Variants in CCR6 observed in about 807,000 individuals in gnomAD.
CCR6 encodes the protein C-C motif chemokine receptor 6, also known as C-C chemokine receptor type 6.
A neutral mutation model predicts 3.0 loss-of-function variants in CCR6; 2 were observed. The observed-to-expected ratio is 0.66, with a 90% confidence interval of 0.27 to 2.07. The LOEUF (loss-of-function observed/expected upper bound fraction) is 2.07. Among genes scored for constraint, CCR6 ranks in the 30% most tolerant of loss-of-function variants. CCR6 has a pLI of 0.14. For missense variants in CCR6, 322 were observed against 462.8 expected (o/e 0.70, Z 2.79); for synonymous variants, 193 against 184.3 (o/e 1.05, Z -0.38).
intron 1 of CCR6, among the ~76,000 whole-genome samples, chr6:167,113,746 G>A (rs1292084504): frequency 6.6e-6 from 1 of 152,260 alleles, no homozygotes; most frequent in African/African-American, 2.4e-5. Context: ...AGACCAAAAT[G>A]TTGGTTGGAC....
intron 1 of CCR6, chr6:167,116,049 G>C (rs1174070006): frequency 2.0e-5 from 3 of 152,270 alleles, no homozygotes; most frequent in African/African-American, 7.2e-5. Context: ...AATGACTACT[G>C]GTTAGGTGGA....
intron 1 of CCR6, chr6:167,115,187 T>C (rs960333308): frequency 6.6e-6 from 1 of 151,964 alleles, no homozygotes; most frequent in African/African-American, 2.4e-5. Flanking sequence ...TGGATGGGGG[T>C]CTCACTGGTC....
chr6:167,117,953 T>G (rs1048316113), upstream of CCR6, among the ~76,000 whole-genome samples: 8 of 151,746 alleles, frequency 5.3e-5, no homozygotes, highest in African/African-American at 1.9e-4. Context: ...TGTTTTTTTT[T>G]TTTTTTTTTC....
chr6:167,119,751 G>A (rs1470114994), upstream of CCR6, among the ~76,000 whole-genome samples: 1 of 152,216 alleles, frequency 6.6e-6, no homozygotes, highest in African/African-American at 2.4e-5. Context: ...AATTTGTTAA[G>A]TAGCCTTTTT....
Position 167,113,907 on chromosome 6 carries a change from A to C in CCR6, c.-98+1893A>C, listed in dbSNP as rs542563432. Among the ~76,000 whole-genome samples, 4 of 152,186 alleles carry C rather than the reference A, an allele frequency of 2.6e-5. No individual in the cohort carries two copies. In the South Asian group the frequency reaches 6.2e-4, roughly 24 times the overall value. ...CTATTTTGGGGGGTAGAATGAGAAG[A>C]TGGATAGATGAAGAAAGGGAAAATG... On this transcript the variant is annotated intron_variant, in intron 1 of 2. Transcript: ENST00000400926.
At chr6:167,124,032 A>G (rs192823844) in intron 1 of CCR6, among the ~76,000 whole-genome samples, 2 of 152,288 alleles carry the variant, frequency 1.3e-5, no homozygotes, top group Admixed American at 6.5e-5. Flanking sequence ...GAATCACTGG[A>G]ACTTGGGAGG....
intron 1 of CCR6, among the ~76,000 whole-genome samples, chr6:167,112,609 G>T (rs117912866): frequency 5.5e-4 from 84 of 152,270 alleles, no homozygotes; most frequent in Middle Eastern, 3.4e-3. Context: ...GCTGCAGAAT[G>T]GGGGGTGCTG....
At chr6:167,118,546 C>G (rs3093028), upstream of CCR6, among the ~76,000 whole-genome samples, 5,391 of 152,248 alleles carry the variant, frequency 0.035, 120 homozygotes, top group Middle Eastern at 0.095. Context: ...AGTTTGATTT[C>G]CCTATTTCTG....
At chr6:167,133,932 G>GTGTGTGTATGTATATA (rs1183741225) in intron 1 of CCR6, among the ~76,000 whole-genome samples, 2 of 110,340 alleles carry the variant, frequency 1.8e-5, no homozygotes, top group South Asian at 2.9e-4. Context: ...ATATATGTGT[G>GTGTGTGTATGTATATA]TATATATATA....
rs1781867052 is a variant in CCR6 at position 167,137,420 on chromosome 6, C to T, written c.*65C>T. ...TCATAGATGTTATGCAAAAAAAAGT[C>T]TATGGCCAGGTATGCATGGAAAATG... On this transcript the variant is annotated 3_prime_UTR_variant, in exon 3 of 3. Coordinates refer to ENST00000341935, the MANE Select transcript of CCR6 (RefSeq NM_031409.4). This position sits in a 1 kb window ranked among gnomAD's most constrained non-coding sequence, Gnocchi z 4.6. The T allele has an allele frequency of 6.8e-7, 1 of 1,480,256 alleles. No homozygotes were observed. Among genetic ancestry groups the T allele is most frequent in the Non-Finnish European group, 9.1e-7 (1 of 1,100,892 alleles). The allele number at this position is 1,480,256 out of a possible 1,614,324, so 91.7% of individuals were successfully genotyped here. A position where few individuals can be genotyped will look rare whatever the true frequency, so the allele number is the denominator to read the frequency against.
At position 167,136,050 on chromosome 6, in the gene CCR6, T is replaced by C. The variant is rs1781844755; in HGVS notation, c.-85T>C. The stretch of plus-strand genomic sequence containing the variant: ...CTTTCCTTCTTAGAGTCACCTCTAC[T>C]TTCCTGCTACCGCTGCCTGTGAGCT... On this transcript the variant is annotated 5_prime_UTR_variant, in exon 2 of 3. Coordinates refer to ENST00000341935, the MANE Select transcript of CCR6 (RefSeq NM_031409.4). The surrounding 1 kb of genome is among the most constrained non-coding windows in gnomAD (Gnocchi z 4.6). 4 of 1,501,506 alleles carry C rather than the reference T, an allele frequency of 2.7e-6. No individual in the cohort carries two copies. Among genetic ancestry groups the C allele is most frequent in the South Asian group, 2.5e-5 (2 of 81,028 alleles). 93.0% of individuals were successfully genotyped at this position (1,501,506 alleles called of 1,614,324 possible). A position where few individuals can be genotyped will look rare whatever the true frequency, so the allele number is the denominator to read the frequency against.
In CCR6 at chr6:167,136,143, G is replaced by A; in HGVS notation, c.9G>A (p.Gly3=). 3 of 1,613,904 alleles carry A rather than the reference G, an allele frequency of 1.9e-6. No individual in the cohort carries two copies. The highest frequency in any genetic ancestry group is 1.3e-5 in the African/African-American group (1 of 75,036). Residue 3 remains glycine (G), a splice_region_variant and synonymous_variant, in exon 2 of 3, where the codon GGG becomes GGA. Transcript: ENST00000341935. The surrounding 1 kb of genome is among the most constrained non-coding windows in gnomAD (Gnocchi z 4.6). ...CATTTTTTCTGCCCACAATGAGCGGGGTAAGATTTTTATTTTTGGCAAGGG... is the reference window on the plus strand; with the variant it reads ...CATTTTTTCTGCCCACAATGAGCGGAGTAAGATTTTTATTTTTGGCAAGGG... The part of the protein sequence containing the change: MS[G]ESMNFSDVFD...
intron 1 of CCR6, among the ~76,000 whole-genome samples, chr6:167,133,066 A>G (rs184010182): frequency 9.1e-4 from 139 of 152,308 alleles, no homozygotes; most frequent in Middle Eastern, 3.4e-3. Context: ...TCTATTCAAT[A>G]TATATATGTT....
chr6:167,115,785 T>A (rs982077970), intron 1 of CCR6: 2 of 152,246 alleles, frequency 1.3e-5, no homozygotes, highest in African/African-American at 4.8e-5. Flanking sequence ...CAAAGAGAAT[T>A]TTTTAATAAT....
intron 1 of CCR6, among the ~76,000 whole-genome samples, chr6:167,125,016 A>G (rs1238928551): frequency 6.6e-6 from 1 of 152,140 alleles, no homozygotes; most frequent in African/African-American, 2.4e-5. Flanking sequence ...ATACACATGC[A>G]TATACACATA....
upstream of CCR6, among the ~76,000 whole-genome samples, chr6:167,119,853 G>A (rs1781560102): frequency 6.6e-6 from 1 of 152,150 alleles, no homozygotes; most frequent in Admixed American, 6.5e-5. Context: ...TTTGCAATGG[G>A]TGTGAGCCTG....
chr6:167,112,605 G>GA, intron 1 of CCR6, among the ~76,000 whole-genome samples: 1 of 152,288 alleles, frequency 6.6e-6, no homozygotes, highest in Non-Finnish European at 1.5e-5. Flanking sequence ...GGCTGCTGCA[G>GA]AATGGGGGGT....
At chr6:167,112,052 G>A (rs944762859) in intron 1 of CCR6, 2 of 151,962 alleles carry the variant, frequency 1.3e-5, no homozygotes, top group Non-Finnish European at 2.9e-5. Context: ...AGAAAATATT[G>A]TATTTCTTTT....
rs369303646 is a variant in CCR6, at chr6:167,135,755, C to T, written c.-97-283C>T. 2.9e-3 allele frequency among the ~76,000 whole-genome samples: 443 copies of T among 152,290 alleles called. 2 individuals are homozygous for T. The highest frequency in any genetic ancestry group is 0.01 in the African/African-American group (428 of 41,544). The stretch of plus-strand genomic sequence containing the variant: ...ATTATAGCCTCTAGCCAACGGACCC[C>T]GGCGAGGCCTGTTCAGTTATGTAAT... On this transcript the variant is annotated intron_variant, in intron 1 of 2. Transcript: ENST00000341935.
Sources: gnomAD v4.1 joint callset for allele counts (sites outside exome capture counted in the v4.1 genomes callset) on GRCh38, gnomAD v4.1.1 for gene constraint, Gnocchi (gnomAD v3.1) non-coding constraint, MANE v1.5 for transcripts, NCBI Gene and HGNC (gene_info 2026-07-23, HGNC 2026-07-21) for gene names.